Variants in ASTN2 observed in about 807,000 individuals in gnomAD.
The protein encoded by ASTN2 is astrotactin 2.
ASTN2 carries 54 observed loss-of-function variants against 139.8 expected under a neutral mutation model. The ratio of observed to expected loss-of-function variants is 0.39; its 90% confidence interval spans 0.31 to 0.48. ASTN2 has a LOEUF of 0.48. Among genes scored for constraint, ASTN2 ranks in the 20% least tolerant of loss-of-function variants. The pLI is 0.95. For synonymous variants in ASTN2, 756 were observed against 719.5 expected, an observed-to-expected ratio of 1.05 and a Z score of -0.81; for missense variants, 1,565 against 1,725.1, an observed-to-expected ratio of 0.91 and a Z score of 1.64.
intron 6 of ASTN2, among the ~76,000 whole-genome samples, chr9:117,008,518 C>T (rs1489100429): frequency 6.6e-6 from 1 of 152,142 alleles, no homozygotes; most frequent in East Asian, 1.9e-4. Flanking sequence ...AATTCAGAAT[C>T]TGCCCTTACT....
At chr9:117,159,650 G>GA (rs1830505276) in intron 3 of ASTN2, among the ~76,000 whole-genome samples, 1 of 152,072 alleles carries the variant, frequency 6.6e-6, no homozygotes, top group African/African-American at 2.4e-5. Context: ...GCTTGATATA[G>GA]ATGATCTGAT....
At chr9:116,832,964 T>TTTATTTATTTATTTATTTA (rs1564292236) in intron 11 of ASTN2, among the ~76,000 whole-genome samples, 4 of 100,328 alleles carry the variant, frequency 4.0e-5, no homozygotes, top group East Asian at 5.6e-4. Flanking sequence ...TTATTTATTT[T>TTTATTTATTTATTTATTTA]TTGGGAATTG....
chr9:116,797,453 C>A (rs908901987), intron 13 of ASTN2, among the ~76,000 whole-genome samples: 1 of 152,046 alleles, frequency 6.6e-6, no homozygotes, highest in Admixed American at 6.5e-5. Context: ...GGAAAATTCA[C>A]CCCTTGACTC....
At position 117,008,267 on chromosome 9, in the gene ASTN2, T is replaced by C; in HGVS notation, c.1424-8A>G. The C allele has an allele frequency of 6.3e-7, 1 of 1,587,566 alleles. No homozygotes were observed. Among genetic ancestry groups the C allele is most frequent in the Non-Finnish European group, 8.6e-7 (1 of 1,166,484 alleles). On this transcript the variant is annotated splice_region_variant and splice_polypyrimidine_tract_variant and intron_variant, in intron 6 of 22. Coordinates refer to ENST00000313400, the MANE Select transcript of ASTN2 (RefSeq NM_001365068.1). ...TCACCACGAAGCTGCTTCCTATGGGTGAACGGAGAGACAGATACTTTCTTA... is the reference window on the plus strand; with the variant it reads ...TCACCACGAAGCTGCTTCCTATGGGCGAACGGAGAGACAGATACTTTCTTA...
chr9:116,893,866 G>A (rs1407355876), intron 10 of ASTN2, among the ~76,000 whole-genome samples: 4 of 152,184 alleles, frequency 2.6e-5, no homozygotes, highest in Non-Finnish European at 2.9e-5. Flanking sequence ...GATACCAAGA[G>A]AGATCAGCCT....
intron 19 of ASTN2, among the ~76,000 whole-genome samples, chr9:116,597,299 A>ATTTTTTTTTTTTTTTTTTTTTT (rs757848093): frequency 1.3e-5 from 1 of 75,526 alleles, no homozygotes; most frequent in Non-Finnish European, 2.4e-5. Flanking sequence ...CTTTTGATCT[A>ATTTTTTTTTTTTTTTTTTTTTT]TTTTTTTTTT....
At chr9:117,289,724 A>C (rs1834540078) in intron 2 of ASTN2, among the ~76,000 whole-genome samples, 1 of 152,218 alleles carries the variant, frequency 6.6e-6, no homozygotes, top group African/African-American at 2.4e-5. Flanking sequence ...GATGGTGCTT[A>C]TAAATTTGCA....
intron 2 of ASTN2, among the ~76,000 whole-genome samples, chr9:117,216,635 T>C (rs1832330292): frequency 6.6e-6 from 1 of 152,204 alleles, no homozygotes; most frequent in Admixed American, 6.5e-5. Flanking sequence ...CAATGAATCT[T>C]TTTTTTCCTC....
intron 1 of ASTN2, among the ~76,000 whole-genome samples, chr9:117,404,526 T>A (rs1830925772): frequency 6.6e-6 from 1 of 152,192 alleles, no homozygotes; most frequent in Non-Finnish European, 1.5e-5. Context: ...ATATTTGGAT[T>A]TATATAGCAT....
Position 116,725,809 on chromosome 9 carries a change from T to A in ASTN2, c.2768A>T (p.Lys923Met). 6.2e-7 allele frequency: 1 copy of A among 1,613,918 alleles called. No homozygotes were observed. Among genetic ancestry groups the A allele is most frequent in the Non-Finnish European group, 8.5e-7 (1 of 1,180,008 alleles). The change falls in exon 16 of 23, where the codon AAG becomes ATG. Residue 923 changes from lysine (K) to methionine (M), a missense_variant. Around this residue, in one of 4 missense-constraint regions of ASTN2, gnomAD observed 48 missense variants for 90.7 expected, o/e 0.53. Coordinates refer to ENST00000313400, the MANE Select transcript of ASTN2 (RefSeq NM_001365068.1). ...ELTCIIHFPS[K>M]KVQQQLWLQY... is the part of the protein sequence containing the mutation. ...GAGCCACAGCTGCTGCTGGACCTTC[T>A]TGCTGGGAAAGTGGATGATGCAGGT...
At chr9:116,706,493 T>A (rs763426481) in intron 16 of ASTN2, among the ~76,000 whole-genome samples, 1 of 152,096 alleles carries the variant, frequency 6.6e-6, no homozygotes, top group Non-Finnish European at 1.5e-5. Context: ...TCCTCTACTT[T>A]CCCTGCTCAA....
At chr9:116,826,677 G>A (rs1321354055) in intron 11 of ASTN2, among the ~76,000 whole-genome samples, 1 of 152,072 alleles carries the variant, frequency 6.6e-6, no homozygotes. Context: ...CAGGCCCACT[G>A]CTCCCACTAC....
chr9:117,138,961 T>C (rs1016151242), intron 4 of ASTN2, among the ~76,000 whole-genome samples: 1 of 152,170 alleles, frequency 6.6e-6, no homozygotes, highest in African/African-American at 2.4e-5. Context: ...AAGAAAATTA[T>C]GATGCATAAA....
intron 20 of ASTN2, among the ~76,000 whole-genome samples, chr9:116,453,669 G>GTTATCTTGC (rs1217296884): frequency 1.4e-5 from 2 of 140,688 alleles, no homozygotes; most frequent in Admixed American, 7.1e-5. Flanking sequence ...TACAATAAAT[G>GTTATCTTGC]TTATCTTGCT....
intron 4 of ASTN2, among the ~76,000 whole-genome samples, chr9:117,112,364 A>C (rs2132790215): frequency 6.6e-6 from 1 of 152,266 alleles, no homozygotes; most frequent in African/African-American, 2.4e-5. Context: ...AAGTTGGTAG[A>C]CTTAACACTG....
intron 7 of ASTN2, among the ~76,000 whole-genome samples, chr9:116,982,947 C>T (rs1836553521): frequency 6.6e-6 from 1 of 152,214 alleles, no homozygotes; most frequent in African/African-American, 2.4e-5. Context: ...TCCACCCCAG[C>T]AGCACAGAGG....
chr9:116,811,440 T>G (rs1831165316), intron 12 of ASTN2, among the ~76,000 whole-genome samples: 1 of 152,194 alleles, frequency 6.6e-6, no homozygotes, highest in Non-Finnish European at 1.5e-5. Context: ...ATAGATAATT[T>G]GTTTGTTCCT....
intron 2 of ASTN2, among the ~76,000 whole-genome samples, chr9:117,230,022 A>T (rs1372514547): frequency 6.6e-6 from 1 of 151,870 alleles, no homozygotes; most frequent in Admixed American, 6.6e-5. Flanking sequence ...AAATAAAAAT[A>T]AAAAAAGGCA....
intron 7 of ASTN2, among the ~76,000 whole-genome samples, chr9:117,006,538 C>CAACT (rs1564380848): frequency 6.6e-6 from 1 of 152,132 alleles, no homozygotes; most frequent in Non-Finnish European, 1.5e-5. Flanking sequence ...AAGCCACTAC[C>CAACT]AACTCTTGCC....
Sources: allele counts gnomAD v4.1 joint callset (sites outside exome capture counted in the v4.1 genomes callset), GRCh38; gene constraint gnomAD v4.1.1; regional missense constraint gnomAD v4.1.1; transcripts MANE v1.5; gene names NCBI Gene and HGNC (gene_info 2026-07-23, HGNC 2026-07-21).